Variants in DGKB observed in about 807,000 individuals in gnomAD.
The protein encoded by DGKB is diacylglycerol kinase beta.
In DGKB, 67 loss-of-function variants were observed where a neutral mutation model predicts 114.3. That is an observed-to-expected ratio of 0.59 (90% CI 0.48 to 0.72). The LOEUF (loss-of-function observed/expected upper bound fraction) is 0.72. Ranked by LOEUF, DGKB falls within the 30% of genes least tolerant of loss-of-function variation. DGKB has a pLI of 0.00. For synonymous variants in DGKB, 398 were observed against 323.1 expected (o/e 1.23, Z -2.49); for missense variants, 907 against 975.2 (o/e 0.93, Z 0.93).
chr7:14,453,523 C>T (rs1831833500), intron 21 of DGKB, among the ~76,000 whole-genome samples: 1 of 152,090 alleles, frequency 6.6e-6, no homozygotes, highest in Admixed American at 6.6e-5. Flanking sequence ...AAATAAGTCT[C>T]CTTAAGTTCC....
chr7:14,306,879 C>A (rs1804572604), intron 23 of DGKB, among the ~76,000 whole-genome samples: 1 of 152,140 alleles, frequency 6.6e-6, no homozygotes, highest in Admixed American at 6.6e-5. Flanking sequence ...TCTTGCCCCA[C>A]CAGGAACCTG....
chr7:14,379,233 T>C (rs1818994236), intron 21 of DGKB, among the ~76,000 whole-genome samples: 1 of 152,174 alleles, frequency 6.6e-6, no homozygotes, highest in Admixed American at 6.5e-5. Context: ...CGAGTGTTTG[T>C]TTTGAAACCC....
At chr7:14,413,039 G>C (rs1170135203) in intron 21 of DGKB, among the ~76,000 whole-genome samples, 2 of 151,860 alleles carry the variant, frequency 1.3e-5, no homozygotes, top group South Asian at 4.1e-4. Flanking sequence ...AGTAATTCAA[G>C]TGAGAGATGA....
At chr7:14,466,547 G>C (rs1009374533) in intron 21 of DGKB, among the ~76,000 whole-genome samples, 1 of 151,984 alleles carries the variant, frequency 6.6e-6, no homozygotes, top group African/African-American at 2.4e-5. Flanking sequence ...AGATTCACTA[G>C]AGTGTAATTT....
intron 20 of DGKB, among the ~76,000 whole-genome samples, chr7:14,491,872 T>C (rs899502985): frequency 6.6e-6 from 1 of 152,060 alleles, no homozygotes; most frequent in African/African-American, 2.4e-5. Context: ...CTTAAAACCA[T>C]GAGAGACTCA....
At chr7:14,865,617 C>T (rs1395781450) in intron 1 of DGKB, among the ~76,000 whole-genome samples, 1 of 152,158 alleles carries the variant, frequency 6.6e-6, no homozygotes, top group Non-Finnish European at 1.5e-5. Flanking sequence ...TAAAATGGTT[C>T]CTGTATCTTG....
At chr7:14,358,136 C>T (rs1814953256) in intron 21 of DGKB, among the ~76,000 whole-genome samples, 1 of 152,052 alleles carries the variant, frequency 6.6e-6, no homozygotes, top group South Asian at 2.1e-4. Context: ...TGAATGTTGG[C>T]CTGCCTTGCT....
chr7:14,240,274 TAAA>T (rs1328195231), intron 23 of DGKB, among the ~76,000 whole-genome samples: 1 of 152,236 alleles, frequency 6.6e-6, no homozygotes, highest in Admixed American at 6.6e-5. Context: ...AGGTTCCATG[TAAA>T]ATAAATTTTG....
intron 5 of DGKB, among the ~76,000 whole-genome samples, chr7:14,722,765 T>A (rs1167324490): frequency 6.6e-6 from 1 of 151,932 alleles, no homozygotes; most frequent in African/African-American, 2.4e-5. Flanking sequence ...TGAGCCAAGA[T>A]CATGCCACTG....
chr7:14,536,028 A>T (rs544010566), intron 20 of DGKB, among the ~76,000 whole-genome samples: 15 of 152,336 alleles, frequency 9.8e-5, no homozygotes, highest in African/African-American at 3.6e-4. Flanking sequence ...TGTTATGAAC[A>T]ATTATATGCT....
intron 16 of DGKB, among the ~76,000 whole-genome samples, chr7:14,612,828 T>C (rs1329059653): frequency 6.6e-6 from 1 of 152,184 alleles, no homozygotes; most frequent in African/African-American, 2.4e-5. Flanking sequence ...TAAAATGTTA[T>C]CAGCCAGAAT....
intron 2 of DGKB, among the ~76,000 whole-genome samples, chr7:14,777,724 T>C (rs1214070580): frequency 6.6e-6 from 1 of 152,212 alleles, no homozygotes; most frequent in Non-Finnish European, 1.5e-5. Context: ...TTATTAGTAG[T>C]GTGACAATGG....
rs368737783 is a variant in DGKB at position 14,858,695 on chromosome 7, G to A, written c.-187-17245C>T. Among the ~76,000 whole-genome samples, 1,226 of 152,230 alleles carry A rather than the reference G, an allele frequency of 8.1e-3. 14 individuals carry two copies. The highest frequency in any genetic ancestry group is 0.028 in the African/African-American group (1,179 of 41,558). ...CAAGAGATCAAGGAGTAAAGGAAAA[G>A]AGAAAGATCAACCAGATCAGCAGAA... is the stretch of plus-strand genomic sequence containing the variant. On this transcript the variant is annotated intron_variant, in intron 1 of 25. Coordinates refer to ENST00000402815, the MANE Select transcript of DGKB (RefSeq NM_001350709.2).
chr7:14,767,378 T>A, intron 2 of DGKB, among the ~76,000 whole-genome samples: 1 of 151,918 alleles, frequency 6.6e-6, no homozygotes, highest in South Asian at 2.1e-4. Context: ...CTATTTGTCA[T>A]GACATCATTA....
chr7:14,928,531 G>A (rs1409385817), intron 1 of DGKB, among the ~76,000 whole-genome samples: 2 of 151,842 alleles, frequency 1.3e-5, no homozygotes, highest in Non-Finnish European at 2.9e-5. Flanking sequence ...CTTCTCCAGT[G>A]CCTCATCCTA....
At chr7:14,460,471 C>G (rs538044712) in intron 21 of DGKB, among the ~76,000 whole-genome samples, 4 of 150,386 alleles carry the variant, frequency 2.7e-5, no homozygotes, top group Non-Finnish European at 5.9e-5. Flanking sequence ...TCTGATAAAA[C>G]AGACTTTAAA....
At chr7:14,442,868 T>A (rs959712599) in intron 21 of DGKB, among the ~76,000 whole-genome samples, 129 of 152,100 alleles carry the variant, frequency 8.5e-4, no homozygotes, top group Admixed American at 4.5e-3. Context: ...ATTTTTTAAA[T>A]CTATAATGTA....
chr7:14,609,636 G>A (rs1379277848), intron 16 of DGKB, among the ~76,000 whole-genome samples: 4 of 151,800 alleles, frequency 2.6e-5, no homozygotes, highest in African/African-American at 9.7e-5. Context: ...CAACAAAGGT[G>A]TAATATCCAG....
At chr7:14,178,897 T>C (rs1177701088) in intron 23 of DGKB, among the ~76,000 whole-genome samples, 1 of 152,186 alleles carries the variant, frequency 6.6e-6, no homozygotes, top group East Asian at 1.9e-4. Context: ...CTAATTACTT[T>C]ATATTATCTC....
Sources: gnomAD v4.1 joint callset for allele counts (sites outside exome capture counted in the v4.1 genomes callset) on GRCh38, gnomAD v4.1.1 for gene constraint, MANE v1.5 for transcripts, NCBI Gene and HGNC (gene_info 2026-07-23, HGNC 2026-07-21) for gene names.